Variants in GPC4 observed in about 807,000 individuals in gnomAD.
GPC4 encodes the protein glypican 4, also known as glypican-4.
A neutral mutation model predicts 35.0 loss-of-function variants in GPC4; 10 were observed. The observed-to-expected ratio is 0.29, with a 90% CI of 0.18 to 0.48. The LOEUF (loss-of-function observed/expected upper bound fraction) is 0.48. Ranked by LOEUF, GPC4 falls within the 20% of genes least tolerant of loss-of-function variation. GPC4 has a pLI of 0.99. For synonymous variants in GPC4, 167 were observed against 170.2 expected (o/e 0.98, Z 0.15); for missense variants, 322 against 451.3 (o/e 0.71, Z 2.60).
At chrX:133,335,341 C>T (rs1411846479) in intron 2 of GPC4, among the ~76,000 whole-genome samples, 1 of 111,139 alleles carries the variant, frequency 9.0e-6, no homozygotes, top group Non-Finnish European at 1.9e-5. Context: ...CATAGAAAAA[C>T]ACAGAGGCCA....
chrX:133,411,481 C>T (rs1336550412), intron 1 of GPC4, among the ~76,000 whole-genome samples: 1 of 112,047 alleles, frequency 8.9e-6, no homozygotes, highest in Non-Finnish European at 1.9e-5. Context: ...AGTGAACTAG[C>T]TTTACCCAGT....
intron 2 of GPC4, among the ~76,000 whole-genome samples, chrX:133,334,077 C>T (rs2068432087): frequency 8.9e-6 from 1 of 112,015 alleles, no homozygotes; most frequent in Non-Finnish European, 1.9e-5. Flanking sequence ...CTTATCTGGA[C>T]ATATTTGTCT....
At chrX:133,342,453 T>G (rs755828685) in intron 1 of GPC4, among the ~76,000 whole-genome samples, 1 of 112,037 alleles carries the variant, frequency 8.9e-6, no homozygotes, top group South Asian at 3.8e-4. Flanking sequence ...AACAACAGGG[T>G]AGATACTTGG....
chrX:133,319,773 TG>T (rs2068356101), intron 3 of GPC4, among the ~76,000 whole-genome samples: 1 of 111,753 alleles, frequency 8.9e-6, no homozygotes, highest in Non-Finnish European at 1.9e-5. Context: ...TTTTTCAACA[TG>T]TTCATTTTGA....
intron 1 of GPC4, 29 bp from the exon 2 acceptor site, chrX:133,339,370 G>A (rs1474361364): frequency 8.4e-7 from 1 of 1,183,511 alleles, no homozygotes; most frequent in Non-Finnish European, 1.1e-6. Context: ...GACAGTCAAT[G>A]TCTATCATCA....
At chrX:133,391,595 C>T (rs376408501) in intron 1 of GPC4, among the ~76,000 whole-genome samples, 1 of 112,083 alleles carries the variant, frequency 8.9e-6, no homozygotes, top group African/African-American at 3.2e-5. Context: ...CTGCAGTCAA[C>T]AATACCCAAA....
At chrX:133,404,503 C>T (rs1464091905) in intron 1 of GPC4, among the ~76,000 whole-genome samples, 11 of 97,313 alleles carry the variant, frequency 1.1e-4, no homozygotes, top group Non-Finnish European at 1.6e-4. Flanking sequence ...GTGGAGAATG[C>T]GCCATTGCAC....
At position 133,301,008 on chromosome X, in the gene GPC4, A is replaced by C. The variant is rs41300203; in HGVS notation, c.*1859T>G. 9.0e-6 allele frequency: 1 copy of C among 111,277 alleles called. No homozygotes were observed. Among genetic ancestry groups the C allele is most frequent in the African/African-American group, 3.3e-5 (1 of 30,466 alleles). The allele number at this position is 111,277 out of a possible 1,213,427, so 9.2% of individuals were successfully genotyped here. On this transcript the variant is annotated 3_prime_UTR_variant, in exon 9 of 9. Transcript: ENST00000370828. ...TTTTATGTCTTCTGATTTGTTTTAA[A>C]AAAAAAACCACTTATACACACCAGC...
At chrX:133,381,943 A>C (rs746900501) in intron 1 of GPC4, among the ~76,000 whole-genome samples, 3 of 111,897 alleles carry the variant, frequency 2.7e-5, no homozygotes, top group South Asian at 7.6e-4. Context: ...ACGCCCTTTC[A>C]CCAGAATCAA....
At chrX:133,377,202 T>A in intron 1 of GPC4, among the ~76,000 whole-genome samples, 1 of 112,214 alleles carries the variant, frequency 8.9e-6, no homozygotes, top group Non-Finnish European at 1.9e-5. Context: ...TGTGGGATCA[T>A]GACCTCCAAA....
At chrX:133,404,536 G>A (rs1412085731) in intron 1 of GPC4, among the ~76,000 whole-genome samples, 26 of 41,587 alleles carry the variant, frequency 6.3e-4, no homozygotes, top group South Asian at 1.6e-3. Context: ...AATAGAGCAA[G>A]ACTCTGCCTC....
At chrX:133,303,132 G>A (rs373701315) in intron 8 of GPC4, 34 bp downstream of exon 8, 1 of 1,205,798 alleles carries the variant, frequency 8.3e-7, no homozygotes, top group African/African-American at 1.7e-5. Context: ...AGACATACAA[G>A]AGCAATTCGT....
intron 4 of GPC4, among the ~76,000 whole-genome samples, chrX:133,310,588 T>C (rs2124108606): frequency 8.9e-6 from 1 of 111,993 alleles, no homozygotes; most frequent in East Asian, 2.8e-4. Context: ...GTCCTTCCAC[T>C]CTCACCAGAG....
chrX:133,404,681 C>A (rs1044201742), intron 1 of GPC4, among the ~76,000 whole-genome samples: 1 of 109,029 alleles, frequency 9.2e-6, no homozygotes, highest in South Asian at 4.0e-4. Context: ...ATGGTGAAAG[C>A]CCATCTCTAC....
intron 1 of GPC4, among the ~76,000 whole-genome samples, chrX:133,356,999 G>A (rs112098370): frequency 2.4e-4 from 27 of 111,517 alleles, no homozygotes; most frequent in Middle Eastern, 4.7e-3. Flanking sequence ...CTGAGTCTCT[G>A]AGGTAGGGAG....
intron 2 of GPC4, among the ~76,000 whole-genome samples, chrX:133,336,020 T>G (rs1256126551): frequency 9.0e-6 from 1 of 111,702 alleles, no homozygotes; most frequent in African/African-American, 3.3e-5. Context: ...TGCTCCATCT[T>G]GGTTCCCTAC....
chrX:133,385,544 C>T (rs1326297975), intron 1 of GPC4, among the ~76,000 whole-genome samples: 1 of 111,876 alleles, frequency 8.9e-6, no homozygotes, highest in Non-Finnish European at 1.9e-5. Context: ...ATTTTGTCTG[C>T]ACCATAACTC....
rs1334272349 is a variant in GPC4 at position 133,303,282 on chromosome X, T to C, written c.1352A>G (p.Gln451Arg). The C allele has an allele frequency of 1.7e-6, 2 of 1,210,529 alleles. No individual in the cohort carries two copies. Among genetic ancestry groups the C allele is most frequent in the Non-Finnish European group, 1.1e-6 (1 of 894,347 alleles). Reference sequence around the variant, plus strand: ...TATGTCTGGTTTGCTGGTGTCAACCTGGACCTCTGGGTTGTTGCCCTGGTT... The same window carrying C: ...TATGTCTGGTTTGCTGGTGTCAACCCGGACCTCTGGGTTGTTGCCCTGGTT... ...LANQGNNPEVQVDTSKPDILI... is the reference protein window; with the variant it reads ...LANQGNNPEVRVDTSKPDILI... The change falls in exon 8 of 9, where the codon CAG becomes CGG. Residue 451 changes from glutamine (Q) to arginine (R), a missense_variant. Gln to Arg is a conservative substitution (Grantham distance 43). This residue lies in a region of GPC4 where 99 missense variants were observed against 110.0 expected (regional missense o/e 0.90). Transcript: ENST00000370828.
intron 1 of GPC4, among the ~76,000 whole-genome samples, chrX:133,372,051 T>A (rs988363153): frequency 9.1e-6 from 1 of 109,672 alleles, no homozygotes; most frequent in Non-Finnish European, 1.9e-5. Context: ...CTGGCCAACA[T>A]GGTGAAACCA....
Sources: allele counts gnomAD v4.1 joint callset (sites outside exome capture counted in the v4.1 genomes callset), GRCh38; gene constraint gnomAD v4.1.1; regional missense constraint gnomAD v4.1.1; transcripts MANE v1.5; gene names NCBI Gene and HGNC (gene_info 2026-07-23, HGNC 2026-07-21).